DOCK3: variants seen among roughly 807,000 people sequenced by gnomAD.
DOCK3 encodes the protein dedicator of cytokinesis 3.
In DOCK3, 60 loss-of-function variants were observed where a neutral mutation model predicts 265.6. That is an observed-to-expected ratio of 0.23 (90% CI 0.18 to 0.28). DOCK3 has a LOEUF of 0.28. Ranked by LOEUF, DOCK3 falls within the 10% of genes least tolerant of loss-of-function variation. The probability of loss-of-function intolerance (pLI) is 1.00; values close to 1 mark genes in which losing one functional copy is unlikely to be tolerated. For missense variants in DOCK3, 1,981 were observed against 2,594.3 expected (o/e 0.76, Z 5.14); for synonymous variants, 881 against 938.0 (o/e 0.94, Z 1.11).
chr3:50,961,584 G>C (rs939221883), intron 5 of DOCK3, among the ~76,000 whole-genome samples: 17 of 152,162 alleles, frequency 1.1e-4, no homozygotes, highest in Non-Finnish European at 1.5e-4. Context: ...ACTTATTCCA[G>C]GAACAAAGAT....
At chr3:50,806,611 G>A (rs1273009489) in intron 2 of DOCK3, among the ~76,000 whole-genome samples, 1 of 151,908 alleles carries the variant, frequency 6.6e-6, no homozygotes, top group South Asian at 2.1e-4. Flanking sequence ...GTGTAGCAGC[G>A]GGGGTTGGTT....
chr3:51,330,211 T>C lies in DOCK3; in HGVS notation c.3476T>C (p.Leu1159Pro). The C allele has an allele frequency of 6.3e-7, 1 of 1,598,184 alleles. No homozygotes were observed. Among genetic ancestry groups the C allele is most frequent in the African/African-American group, 1.3e-5 (1 of 74,764 alleles). The change falls in exon 33 of 53, where the codon CTC becomes CCC. Residue 1159 changes from leucine to proline, a missense_variant. By Grantham distance (98) the Leu-to-Pro change is moderately conservative (BLOSUM62 -3). Around this residue, in one of 4 missense-constraint regions of DOCK3, gnomAD observed 1,357 missense variants for 1,866.8 expected, o/e 0.73. Coordinates refer to ENST00000266037, the MANE Select transcript of DOCK3 (RefSeq NM_004947.5). ...EGKGDESYRE[L>P]FSLLTQLFGP... ...AAAGGTGACGAGAGCTACAGGGAGC[T>C]CTTCAGCCTACTGTAAGCTGCTCCA...
chr3:50,954,234 G>A (rs2076671190), intron 5 of DOCK3, among the ~76,000 whole-genome samples: 1 of 152,062 alleles, frequency 6.6e-6, no homozygotes, highest in Non-Finnish European at 1.5e-5. Context: ...ATTTCACTTA[G>A]CATAATGTCT....
Position 50,952,356 on chromosome 3 carries a change from G to T in DOCK3, c.315+18279G>T, listed in dbSNP as rs573578148. ...GCAGTGTTTAGAGATGGCTCAAAGG[G>T]TATTAATCTGTTTTTTCACCAAAAG... On this transcript the variant is annotated intron_variant, in intron 5 of 52. Coordinates refer to ENST00000266037, the MANE Select transcript of DOCK3 (RefSeq NM_004947.5). Among the ~76,000 whole-genome samples, 5 of 152,110 alleles carry T rather than the reference G, an allele frequency of 3.3e-5. No individual in the cohort carries two copies. In the South Asian group the frequency reaches 1.0e-3, roughly 32 times the overall value.
chr3:51,105,268 A>G (rs1305545437), intron 9 of DOCK3, among the ~76,000 whole-genome samples: 1 of 152,204 alleles, frequency 6.6e-6, no homozygotes, highest in East Asian at 1.9e-4. Context: ...TGGCATAGTC[A>G]TCTTTAAATA....
intron 21 of DOCK3, among the ~76,000 whole-genome samples, chr3:51,239,518 T>C (rs1047461567): frequency 7.3e-5 from 11 of 151,538 alleles, no homozygotes; most frequent in Non-Finnish European, 1.5e-4. Context: ...TCTTTGTGCA[T>C]TTGGTACAAT....
chr3:51,285,333 A>C, intron 27 of DOCK3, among the ~76,000 whole-genome samples: 1 of 152,224 alleles, frequency 6.6e-6, no homozygotes, highest in South Asian at 2.1e-4. Context: ...AATAAGATAA[A>C]TGTCCAGAAA....
chr3:50,978,801 C>A (rs1022419227), intron 5 of DOCK3, among the ~76,000 whole-genome samples: 2 of 152,178 alleles, frequency 1.3e-5, no homozygotes, highest in Non-Finnish European at 2.9e-5. Flanking sequence ...AGTGAGTCTC[C>A]GTGGGCGTAG....
chr3:51,272,915 A>G (rs1649094363), intron 24 of DOCK3, among the ~76,000 whole-genome samples: 1 of 152,102 alleles, frequency 6.6e-6, no homozygotes, highest in South Asian at 2.1e-4. Context: ...CTGTAATCCC[A>G]GCACTTTGGG....
intron 5 of DOCK3, among the ~76,000 whole-genome samples, chr3:50,951,558 C>T (rs1451254515): frequency 6.6e-6 from 1 of 152,142 alleles, no homozygotes; most frequent in Non-Finnish European, 1.5e-5. Context: ...GGTCCTGATT[C>T]ATCTACATCA....
chr3:51,208,911 T>A, intron 13 of DOCK3, 49 bp downstream of exon 13: 1 of 1,530,776 alleles, frequency 6.5e-7, no homozygotes, highest in Non-Finnish European at 8.9e-7. Flanking sequence ...TTGTAGTTGC[T>A]ACTCATACAG....
chr3:51,197,132 A>G (rs2088352192), intron 12 of DOCK3, among the ~76,000 whole-genome samples: 1 of 152,210 alleles, frequency 6.6e-6, no homozygotes, highest in South Asian at 2.1e-4. Context: ...TGTAAACAGC[A>G]TTAGTGGCAT....
chr3:50,804,663 G>C (rs932616362), intron 2 of DOCK3, among the ~76,000 whole-genome samples: 23 of 152,136 alleles, frequency 1.5e-4, no homozygotes, highest in African/African-American at 5.1e-4. Context: ...CAGGCAGGGA[G>C]GTTGTAGTGA....
intron 4 of DOCK3, among the ~76,000 whole-genome samples, chr3:50,911,798 A>G (rs1326970171): frequency 3.3e-5 from 5 of 152,070 alleles, no homozygotes; most frequent in Non-Finnish European, 1.5e-5. Context: ...CTTCCTATTC[A>G]TGAACATGGA....
In DOCK3 at chr3:51,073,839, A is replaced by G. The variant is rs530250240; in HGVS notation, c.465-1517A>G. Reference sequence around the variant, plus strand: ...AATTCTTAATCCTAGTAACCATTTTAGCCTATGCTGTTAGTACATTTGCTT... The same window carrying G: ...AATTCTTAATCCTAGTAACCATTTTGGCCTATGCTGTTAGTACATTTGCTT... On this transcript the variant is annotated intron_variant, in intron 6 of 52. Transcript: ENST00000266037. Among the ~76,000 whole-genome samples, 7 of 152,298 alleles carry G rather than the reference A, an allele frequency of 4.6e-5. No homozygotes were observed. The South Asian group carries it at 1.4e-3, about 32-fold the overall frequency.
intron 12 of DOCK3, among the ~76,000 whole-genome samples, chr3:51,185,349 TA>T (rs1560176783): frequency 1.3e-5 from 2 of 152,162 alleles, no homozygotes. Context: ...AAAATTCTTA[TA>T]AAGAGTGCAA....
chr3:50,964,056 C>T (rs2076960699), intron 5 of DOCK3, among the ~76,000 whole-genome samples: 1 of 152,150 alleles, frequency 6.6e-6, no homozygotes, highest in African/African-American at 2.4e-5. Flanking sequence ...AGTGTCTGTT[C>T]CTACAGTGCA....
At chr3:51,336,133 T>A (rs1330989557) in intron 35 of DOCK3, among the ~76,000 whole-genome samples, 1 of 152,190 alleles carries the variant, frequency 6.6e-6, no homozygotes, top group Admixed American at 6.5e-5. Flanking sequence ...CAATAGATTG[T>A]ACTCTAGAAT....
chr3:51,201,215 A>G (rs562702624), intron 12 of DOCK3, among the ~76,000 whole-genome samples: 1,884 of 151,324 alleles, frequency 0.012, 22 homozygotes, highest in Non-Finnish European at 0.021. Context: ...CTCCAATTAA[A>G]AGACACAGAC....
Sources: gnomAD v4.1 joint callset for allele counts (sites outside exome capture counted in the v4.1 genomes callset) on GRCh38, gnomAD v4.1.1 for gene constraint, gnomAD v4.1.1 regional missense constraint, MANE v1.5 for transcripts, NCBI Gene and HGNC (gene_info 2026-07-23, HGNC 2026-07-21) for gene names.